FAM204A: variants seen among roughly 807,000 people sequenced by gnomAD.
The protein encoded by FAM204A is protein FAM204A.
A neutral mutation model predicts 35.4 loss-of-function variants in FAM204A; 16 were observed. The ratio of observed to expected loss-of-function variants is 0.45; its 90% CI spans 0.31 to 0.69. FAM204A has a LOEUF of 0.69. FAM204A is among the 30% of genes least tolerant of loss of function. The probability of loss-of-function intolerance (pLI) is 0.07; values close to 1 mark genes in which losing one functional copy is unlikely to be tolerated. For missense variants in FAM204A, 240 were observed against 265.7 expected (o/e 0.90, Z 0.67); for synonymous variants, 76 against 86.9 (o/e 0.88, Z 0.70).
At chr10:118,324,832 T>C (rs1846172637) in intron 7 of FAM204A, among the ~76,000 whole-genome samples, 1 of 152,120 alleles carries the variant, frequency 6.6e-6, no homozygotes, top group African/African-American at 2.4e-5. Flanking sequence ...AGACAGTAAA[T>C]TTTATGTTAT....
rs1845936596 is a variant in FAM204A at position 118,310,563 on chromosome 10, A to G, written c.*294T>C. On this transcript the variant is annotated 3_prime_UTR_variant, in exon 9 of 9. Transcript: ENST00000369183. ...TAAACCAAATGAATGGAAAGCGCCAAAAGTGATTTTATACCAAGGGTCCAT... is the reference window on the plus strand; with the variant it reads ...TAAACCAAATGAATGGAAAGCGCCAGAAGTGATTTTATACCAAGGGTCCAT... The G allele has an allele frequency of 3.0e-6, 1 of 332,438 alleles. No homozygotes were observed. The highest frequency in any genetic ancestry group is 5.0e-5 in the Admixed American group (1 of 20,132). 20.6% of individuals were successfully genotyped at this position (332,438 alleles called of 1,614,324 possible).
chr10:118,315,183 G>A (rs1004957658), intron 7 of FAM204A, among the ~76,000 whole-genome samples: 8 of 152,050 alleles, frequency 5.3e-5, no homozygotes, highest in Non-Finnish European at 1.0e-4. Context: ...CAGGTTTAGC[G>A]TGTGTAAATC....
chr10:118,339,937 T>G (rs1289531919), intron 2 of FAM204A, among the ~76,000 whole-genome samples: 1 of 152,200 alleles, frequency 6.6e-6, no homozygotes, highest in East Asian at 1.9e-4. Context: ...TGTTTGCCCT[T>G]GAAAACCACC....
chr10:118,317,919 G>A (rs774509120), intron 7 of FAM204A, among the ~76,000 whole-genome samples: 22 of 152,060 alleles, frequency 1.4e-4, no homozygotes, highest in South Asian at 6.2e-4. Flanking sequence ...GAATGAGAGC[G>A]AGTTCTAGAT....
chr10:118,328,975 AC>A lies in FAM204A; in HGVS notation c.454-2733del, dbSNP rs1846243504. On this transcript the variant is annotated intron_variant, in intron 6 of 8. Transcript: ENST00000369183. ...CTCTCTAAATAATTAGAAACACCTG[AC>A]TTCTCCCCTGTACCAATACCTACAT... Among the ~76,000 whole-genome samples the A allele has an allele frequency of 2.6e-5, 4 of 152,196 alleles. No homozygotes were observed. In the South Asian group the frequency reaches 8.3e-4, roughly 32 times the overall value.
At chr10:118,331,112 T>G (rs1174174092) in intron 6 of FAM204A, among the ~76,000 whole-genome samples, 1 of 152,226 alleles carries the variant, frequency 6.6e-6, no homozygotes, top group African/African-American at 2.4e-5. Context: ...TGCATTATAC[T>G]TCTTCAAGCT....
At chr10:118,312,612 C>T (rs1845970277) in intron 7 of FAM204A, among the ~76,000 whole-genome samples, 1 of 152,000 alleles carries the variant, frequency 6.6e-6, no homozygotes, top group Admixed American at 6.6e-5. Flanking sequence ...ATATAAAGAA[C>T]GTAGACAAAT....
Position 118,299,840 on chromosome 10 carries a change from C to T in FAM204A, c.*11017G>A, listed in dbSNP as rs1237262573. The T allele has an allele frequency of 6.6e-6, 1 of 152,204 alleles. No homozygotes were observed. Among genetic ancestry groups the T allele is most frequent in the Non-Finnish European group, 1.5e-5 (1 of 68,032 alleles). The allele number at this position is 152,204 out of a possible 1,614,324, so 9.4% of individuals were successfully genotyped here. A position where few individuals can be genotyped will look rare whatever the true frequency, so the allele number is the denominator to read the frequency against. On this transcript the variant is annotated 3_prime_UTR_variant, in exon 9 of 9. Coordinates refer to ENST00000369183, the MANE Select transcript of FAM204A (RefSeq NM_022063.3). ...ATTACAAGCATGATCAATAAGACTG[C>T]ATGAACCTATTTTTACTAACAATTT...
intron 6 of FAM204A, 26 bp downstream of exon 6, chr10:118,335,088 A>G: frequency 1.3e-6 from 2 of 1,491,370 alleles, no homozygotes; most frequent in Non-Finnish European, 1.9e-6. Context: ...ACTAGCTGGT[A>G]TAAGATGCAA....
At chr10:118,320,192 C>CATT (rs35347731) in intron 7 of FAM204A, among the ~76,000 whole-genome samples, 31,182 of 151,180 alleles carry the variant, frequency 0.21, 3,534 homozygotes, top group East Asian at 0.34. Context: ...ACTACTTTAA[C>CATT]ATTATTAACT....
intron 2 of FAM204A, among the ~76,000 whole-genome samples, chr10:118,340,754 G>A (rs1255731789): frequency 6.6e-6 from 1 of 152,162 alleles, no homozygotes; most frequent in Non-Finnish European, 1.5e-5. Flanking sequence ...CAGTGTGGCA[G>A]GCCTTGGTTT....
chr10:118,326,330 G>T, intron 6 of FAM204A, 87 bp from the exon 7 acceptor site: 1 of 1,096,532 alleles, frequency 9.1e-7, no homozygotes, highest in Non-Finnish European at 1.4e-6. Flanking sequence ...TATACTGAAT[G>T]TGTTACACAA....
chr10:118,311,942 C>T (rs1321706961), intron 7 of FAM204A, among the ~76,000 whole-genome samples: 2 of 152,078 alleles, frequency 1.3e-5, no homozygotes, highest in African/African-American at 4.8e-5. Flanking sequence ...TATGTGTGCC[C>T]CCCTTACACC....
intron 7 of FAM204A, among the ~76,000 whole-genome samples, chr10:118,321,940 T>C (rs1846125731): frequency 6.6e-6 from 1 of 152,060 alleles, no homozygotes; most frequent in South Asian, 2.1e-4. Flanking sequence ...ACCAGGCCAG[T>C]GCATCATTTA....
At chr10:118,323,318 C>A (rs1846149176) in intron 7 of FAM204A, among the ~76,000 whole-genome samples, 1 of 152,114 alleles carries the variant, frequency 6.6e-6, no homozygotes, top group Admixed American at 6.6e-5. Context: ...GGAACTATCT[C>A]ACAGACTCCA....
At chr10:118,318,372 A>G (rs1846062354) in intron 7 of FAM204A, among the ~76,000 whole-genome samples, 1 of 152,032 alleles carries the variant, frequency 6.6e-6, no homozygotes, top group South Asian at 2.1e-4. Context: ...CGTCATACAC[A>G]TCCCTGATAC....
At chr10:118,331,843 TTATA>T (rs55733401) in intron 6 of FAM204A, among the ~76,000 whole-genome samples, 11 of 142,434 alleles carry the variant, frequency 7.7e-5, no homozygotes, top group African/African-American at 1.5e-4. Context: ...TTTGTTACCT[TTATA>T]TATATATATA....
At chr10:118,311,841 C>G (rs1845956925) in intron 7 of FAM204A, among the ~76,000 whole-genome samples, 1 of 152,144 alleles carries the variant, frequency 6.6e-6, no homozygotes, top group Admixed American at 6.5e-5. Flanking sequence ...GCTTTTAATT[C>G]ACTGAGAGAA....
At position 118,299,475 on chromosome 10, in the gene FAM204A, G is replaced by C. The variant is rs971520001; in HGVS notation, c.*11382C>G. On this transcript the variant is annotated 3_prime_UTR_variant, in exon 9 of 9. Transcript: ENST00000369183. ...CGGCTCACTGCAGCCTCGACCTCTC[G>C]GGTTTAAGTAATCCTCCCACCTTAG... 7.0e-6 allele frequency: 1 copy of C among 142,378 alleles called. No homozygotes were observed. Among genetic ancestry groups the C allele is most frequent in the African/African-American group, 2.7e-5 (1 of 37,118 alleles). The allele number at this position is 142,378 out of a possible 1,614,324, so 8.8% of individuals were successfully genotyped here. A position where few individuals can be genotyped will look rare whatever the true frequency, so the allele number is the denominator to read the frequency against.
Sources: gnomAD v4.1 joint callset for allele counts (sites outside exome capture counted in the v4.1 genomes callset) on GRCh38, gnomAD v4.1.1 for gene constraint, MANE v1.5 for transcripts, NCBI Gene and HGNC (gene_info 2026-07-23, HGNC 2026-07-21) for gene names.